NPNT: variants seen among roughly 807,000 people sequenced by gnomAD.
NPNT encodes the protein nephronectin.
In NPNT, 45 loss-of-function variants were observed where a neutral mutation model predicts 68.6. The observed-to-expected ratio is 0.66, with a 90% CI of 0.52 to 0.84. The LOEUF is 0.84. NPNT is among the 40% of genes least tolerant of loss of function. The probability of loss-of-function intolerance (pLI) is 0.00; values close to 1 mark genes in which losing one functional copy is unlikely to be tolerated. For missense variants in NPNT, 672 were observed against 714.8 expected (o/e 0.94, Z 0.68); for synonymous variants, 233 against 253.3 (o/e 0.92, Z 0.76).
intron 8 of NPNT, among the ~76,000 whole-genome samples, chr4:105,954,890 GT>G (rs773436054): frequency 1.3e-5 from 2 of 152,162 alleles, no homozygotes; most frequent in Non-Finnish European, 2.9e-5. Flanking sequence ...TGGGGAAATT[GT>G]TAAAAATCTG....
chr4:105,915,286 T>G (rs1369667355), intron 2 of NPNT, among the ~76,000 whole-genome samples: 1 of 152,110 alleles, frequency 6.6e-6, no homozygotes, highest in Admixed American at 6.6e-5. Context: ...TTAGGCTTCA[T>G]TTTAAGTAGT....
At chr4:105,939,173 A>G (rs1729728419) in intron 5 of NPNT, among the ~76,000 whole-genome samples, 1 of 152,242 alleles carries the variant, frequency 6.6e-6, no homozygotes, top group Admixed American at 6.5e-5. Flanking sequence ...TGGGGGAGAC[A>G]GAAAAGAAAC....
chr4:105,970,722 G>C lies in NPNT; in HGVS notation c.*1732G>C. ...AATTTGTCTATTTAAGATGGTTAAA[G>C]ATGTTCTTACCCAAGGAAAAGTAAC... On this transcript the variant is annotated 3_prime_UTR_variant, in exon 12 of 12. Transcript: ENST00000379987. 2.4e-6 allele frequency: 1 copy of C among 425,446 alleles called. No individual in the cohort carries two copies. The highest frequency in any genetic ancestry group is 4.4e-6 in the Non-Finnish European group (1 of 227,400). 26.4% of individuals were successfully genotyped at this position (425,446 alleles called of 1,614,324 possible). A position where few individuals can be genotyped will look rare whatever the true frequency, so the allele number is the denominator to read the frequency against.
chr4:105,895,598 C>G lies in NPNT; in HGVS notation c.-55C>G. On this transcript the variant is annotated 5_prime_UTR_variant, in exon 1 of 12. Coordinates refer to ENST00000379987, the MANE Select transcript of NPNT (RefSeq NM_001033047.3). ...GGGCGCCTCCCATCGGCGCCCACCACCCCAACCTGTTCCTCGCGCGCCACT... is the reference window on the plus strand; with the variant it reads ...GGGCGCCTCCCATCGGCGCCCACCAGCCCAACCTGTTCCTCGCGCGCCACT... 1 of 1,481,744 alleles carries G rather than the reference C, an allele frequency of 6.7e-7. No individual in the cohort carries two copies. The highest frequency in any genetic ancestry group is 9.2e-7 in the Non-Finnish European group (1 of 1,086,892). 91.8% of individuals were successfully genotyped at this position (1,481,744 alleles called of 1,614,324 possible).
At chr4:105,929,912 A>T (rs927165332) in intron 3 of NPNT, among the ~76,000 whole-genome samples, 4 of 151,936 alleles carry the variant, frequency 2.6e-5, no homozygotes, top group Non-Finnish European at 5.9e-5. Context: ...CCTGTAACAC[A>T]TACCTATTTC....
chr4:105,906,014 A>G (rs1726861606), intron 2 of NPNT, among the ~76,000 whole-genome samples: 1 of 152,204 alleles, frequency 6.6e-6, no homozygotes, highest in African/African-American at 2.4e-5. Context: ...GGGAAAGTAT[A>G]TAAAGTGGCT....
At chr4:105,958,962 A>T in intron 9 of NPNT, 66 bp from the exon 10 acceptor site, 1 of 1,008,546 alleles carries the variant, frequency 9.9e-7, no homozygotes, top group South Asian at 1.3e-5. Context: ...CCCCTAGTTC[A>T]TAGATTCATT....
At chr4:105,901,778 A>G (rs999962534) in intron 2 of NPNT, among the ~76,000 whole-genome samples, 1 of 152,190 alleles carries the variant, frequency 6.6e-6, no homozygotes, top group African/African-American at 2.4e-5. Context: ...ACGTAAAGTG[A>G]AAATTTTGGA....
In NPNT at chr4:105,970,934, A is replaced by G. The variant is rs982198942; in HGVS notation, c.*1944A>G. On this transcript the variant is annotated 3_prime_UTR_variant, in exon 12 of 12. Transcript: ENST00000379987. The stretch of plus-strand genomic sequence containing the variant: ...ACTGAAATATCTCTCCCTTATGGCA[A>G]TCCTAGCAGTATTAAAGAAAAAAGG... 1 of 304,304 alleles carries G rather than the reference A, an allele frequency of 3.3e-6. No individual in the cohort carries two copies. Among genetic ancestry groups the G allele is most frequent in the Non-Finnish European group, 6.5e-6 (1 of 153,030 alleles). 18.9% of individuals were successfully genotyped at this position (304,304 alleles called of 1,614,324 possible).
chr4:105,936,282 G>C (rs964731358), intron 3 of NPNT, among the ~76,000 whole-genome samples: 2 of 152,028 alleles, frequency 1.3e-5, no homozygotes, highest in Non-Finnish European at 2.9e-5. Flanking sequence ...GTTTTTTAAA[G>C]TTCATTTTGT....
chr4:105,936,998 A>G lies in NPNT; in HGVS notation c.266-11A>G, dbSNP rs371341353. 5 of 1,609,586 alleles carry G rather than the reference A, an allele frequency of 3.1e-6. No individual in the cohort carries two copies. Among genetic ancestry groups the G allele is most frequent in the Non-Finnish European group, 4.2e-6 (5 of 1,178,394 alleles). ...TTGTAATTTTTCTGCTTCAACCCAC[A>G]TTGTTTTCAGATCTAAATGAGTGTG... On this transcript the variant is annotated splice_polypyrimidine_tract_variant and intron_variant, in intron 3 of 11. Transcript: ENST00000379987.
chr4:105,928,613 C>CAAAAA (rs75354182), intron 3 of NPNT, among the ~76,000 whole-genome samples: 1 of 92,494 alleles, frequency 1.1e-5, no homozygotes, highest in South Asian at 3.8e-4. Flanking sequence ...AACTCTGTCT[C>CAAAAA]AAAAAAAAAA....
At chr4:105,952,120 C>T (rs896953896) in intron 8 of NPNT, among the ~76,000 whole-genome samples, 3 of 152,178 alleles carry the variant, frequency 2.0e-5, no homozygotes, top group Non-Finnish European at 4.4e-5. Context: ...GTAATGATAA[C>T]ATTTCCTACT....
chr4:105,959,223 C>A, intron 10 of NPNT, 97 bp downstream of exon 10: 1 of 726,570 alleles, frequency 1.4e-6, no homozygotes, highest in South Asian at 1.6e-5. Context: ...TAACACATCT[C>A]TGTGTTTACT....
Position 105,968,880 on chromosome 4 carries a change from G to C in NPNT, c.1603-15G>C, listed in dbSNP as rs2149418383. Reference sequence around the variant, plus strand: ...GGCAGAGGAGGCTTGACTGGTGTGTGCATTCTCTCCCTAGGTCGTCTTCAA... The same window carrying C: ...GGCAGAGGAGGCTTGACTGGTGTGTCCATTCTCTCCCTAGGTCGTCTTCAA... On this transcript the variant is annotated splice_polypyrimidine_tract_variant and intron_variant, in intron 11 of 11. Coordinates refer to ENST00000379987, the MANE Select transcript of NPNT (RefSeq NM_001033047.3). 1 of 1,513,812 alleles carries C rather than the reference G, an allele frequency of 6.6e-7. No individual in the cohort carries two copies. The highest frequency in any genetic ancestry group is 1.1e-5 in the South Asian group (1 of 88,516). The allele number at this position is 1,513,812 out of a possible 1,614,324, so 93.8% of individuals were successfully genotyped here.
chr4:105,967,701 A>G (rs1353152080), intron 11 of NPNT, among the ~76,000 whole-genome samples: 1 of 152,034 alleles, frequency 6.6e-6, no homozygotes, highest in Non-Finnish European at 1.5e-5. Flanking sequence ...ATGGAAAAAA[A>G]AATCTAGGAA....
At chr4:105,912,057 T>C (rs970569517) in intron 2 of NPNT, 13 of 664,278 alleles carry the variant, frequency 2.0e-5, no homozygotes, top group Non-Finnish European at 3.5e-5. Context: ...GATTTTTTTT[T>C]GTTTCAGAAA....
chr4:105,914,834 T>C (rs1727673244), intron 2 of NPNT, among the ~76,000 whole-genome samples: 1 of 151,990 alleles, frequency 6.6e-6, no homozygotes, highest in Non-Finnish European at 1.5e-5. Flanking sequence ...GTTAAGAATC[T>C]CAACCCAGCA....
In NPNT at chr4:105,895,723, G is replaced by A. The variant is rs1234434656; in HGVS notation, c.71G>A (p.Arg24Lys). The change falls in exon 1 of 12, where the codon AGG (arginine) becomes AAG (lysine). Residue 24 changes from arginine to lysine, a missense_variant and splice_region_variant. By Grantham distance (26) the Arg-to-Lys change is conservative. Transcript: ENST00000379987. ...CAGGCGGCCGCCGAGTTCGACGGGA[G>A]GTGAGCTGGGCCCCGGGGCGCCCTC... ...YLQAAAEFDG[R>K]WPRQIVSSIG... is the part of the protein sequence containing the mutation. 1.3e-6 allele frequency: 2 copies of A among 1,552,372 alleles called. No individual in the cohort carries two copies. Among genetic ancestry groups the A allele is most frequent in the Non-Finnish European group, 1.7e-6 (2 of 1,147,374 alleles).
Sources: allele counts gnomAD v4.1 joint callset (sites outside exome capture counted in the v4.1 genomes callset), GRCh38; gene constraint gnomAD v4.1.1; transcripts MANE v1.5; gene names NCBI Gene and HGNC (gene_info 2026-07-23, HGNC 2026-07-21).